CFAP299: variants seen among roughly 807,000 people sequenced by gnomAD.
CFAP299 encodes cilia and flagella associated protein 299.
CFAP299 carries 21 observed loss-of-function variants against 27.0 expected under a neutral mutation model. That is an observed-to-expected ratio of 0.78 (90% CI 0.55 to 1.12). The LOEUF (loss-of-function observed/expected upper bound fraction) is 1.12, where lower values mean the gene tolerates loss of function less well. Among genes scored for constraint, CFAP299 ranks in the 50% most tolerant of loss-of-function variants. The pLI, the probability that CFAP299 is intolerant of heterozygous loss-of-function variation, is 0.00. For missense variants in CFAP299, 310 were observed against 276.6 expected (o/e 1.12, Z -0.86); for synonymous variants, 104 against 98.1 (o/e 1.06, Z -0.36).
chr4:80,887,096 A>G (rs1396992955), intron 4 of CFAP299, among the ~76,000 whole-genome samples: 2 of 152,202 alleles, frequency 1.3e-5, no homozygotes, highest in African/African-American at 4.8e-5. Flanking sequence ...AATAGCCCCA[A>G]AAGGGTAAAT....
At chr4:80,521,178 G>T (rs1163863946) in intron 2 of CFAP299, among the ~76,000 whole-genome samples, 2 of 151,990 alleles carry the variant, frequency 1.3e-5, no homozygotes, top group African/African-American at 4.8e-5. Context: ...TTTTTCCTGA[G>T]GAATTAAACC....
Position 80,950,477 on chromosome 4 carries a change from T to C in CFAP299, c.606+5538T>C, listed in dbSNP as rs150803556. Among the ~76,000 whole-genome samples, 44 of 152,266 alleles carry C rather than the reference T, an allele frequency of 2.9e-4. No homozygotes were observed. In the East Asian group the frequency reaches 8.1e-3, roughly 28 times the overall value. On this transcript the variant is annotated intron_variant, in intron 5 of 5. Transcript: ENST00000358105. ...GGCAGAATGTACTTTGGACCAAAGATATTCAAAAACAAGTTAATGAAAGAG... is the reference window on the plus strand; with the variant it reads ...GGCAGAATGTACTTTGGACCAAAGACATTCAAAAACAAGTTAATGAAAGAG...
At chr4:80,695,046 C>T (rs917492955) in intron 3 of CFAP299, among the ~76,000 whole-genome samples, 1 of 151,998 alleles carries the variant, frequency 6.6e-6, no homozygotes, top group Non-Finnish European at 1.5e-5. Flanking sequence ...TGGTATGCCT[C>T]ATAGTAGCAT....
chr4:80,661,796 C>T (rs1291994090), intron 3 of CFAP299, among the ~76,000 whole-genome samples: 1 of 152,154 alleles, frequency 6.6e-6, no homozygotes, highest in African/African-American at 2.4e-5. Flanking sequence ...CTTTCAAAAG[C>T]AAATAGGAGA....
chr4:80,640,257 G>A (rs567277659), intron 3 of CFAP299, among the ~76,000 whole-genome samples: 26 of 152,184 alleles, frequency 1.7e-4, no homozygotes, highest in Admixed American at 1.2e-3. Flanking sequence ...ATGGTAAGTC[G>A]TTAGGCCTGG....
chr4:80,492,219 C>T (rs1049064660), intron 2 of CFAP299, among the ~76,000 whole-genome samples: 2 of 152,174 alleles, frequency 1.3e-5, no homozygotes, highest in African/African-American at 2.4e-5. Flanking sequence ...GCCTCTCTAA[C>T]GTCTATAAAA....
At chr4:80,653,022 A>C (rs1740386547) in intron 3 of CFAP299, among the ~76,000 whole-genome samples, 1 of 152,116 alleles carries the variant, frequency 6.6e-6, no homozygotes, top group African/African-American at 2.4e-5. Context: ...TGTATTTCTC[A>C]TGTGAATTTA....
At chr4:80,898,509 G>A (rs1238843681) in intron 4 of CFAP299, among the ~76,000 whole-genome samples, 2 of 151,974 alleles carry the variant, frequency 1.3e-5, no homozygotes, top group African/African-American at 2.4e-5. Context: ...TTTGGAAAAG[G>A]CAACATTTAA....
intron 2 of CFAP299, among the ~76,000 whole-genome samples, chr4:80,529,935 T>C (rs980420781): frequency 6.6e-5 from 10 of 152,198 alleles, no homozygotes; most frequent in Admixed American, 6.5e-5. Flanking sequence ...TGGTACACAA[T>C]TTTGAAATAT....
intron 3 of CFAP299, among the ~76,000 whole-genome samples, chr4:80,816,166 G>A (rs1406347825): frequency 6.6e-6 from 1 of 151,878 alleles, no homozygotes; most frequent in East Asian, 1.9e-4. Flanking sequence ...ACCCTCTTTG[G>A]AATAAAAATT....
intron 4 of CFAP299, among the ~76,000 whole-genome samples, chr4:80,930,763 C>T (rs1736574341): frequency 6.6e-6 from 1 of 152,152 alleles, no homozygotes; most frequent in Admixed American, 6.6e-5. Context: ...CCAGCATTCT[C>T]CATTCAGTTT....
intron 2 of CFAP299, among the ~76,000 whole-genome samples, chr4:80,390,203 C>T (rs906572198): frequency 5.3e-5 from 8 of 151,666 alleles, no homozygotes; most frequent in African/African-American, 1.2e-4. Flanking sequence ...GTTGCTATTC[C>T]GTACATTGTA....
At chr4:80,830,294 G>C (rs868126531) in intron 3 of CFAP299, among the ~76,000 whole-genome samples, 8 of 152,086 alleles carry the variant, frequency 5.3e-5, no homozygotes, top group Middle Eastern at 3.4e-3. Context: ...AATAAAATAT[G>C]ATATGTATTA....
At chr4:80,947,986 T>C (rs1407927030) in intron 5 of CFAP299, among the ~76,000 whole-genome samples, 1 of 152,194 alleles carries the variant, frequency 6.6e-6, no homozygotes, top group Non-Finnish European at 1.5e-5. Flanking sequence ...CAATTTTTAT[T>C]GAAATCCTTC....
intron 3 of CFAP299, among the ~76,000 whole-genome samples, chr4:80,672,499 C>T (rs905722714): frequency 1.3e-5 from 2 of 152,154 alleles, no homozygotes; most frequent in Non-Finnish European, 2.9e-5. Flanking sequence ...GCTTTCATAT[C>T]AGGATGATAC....
At chr4:80,378,620 T>A (rs1724542908) in intron 2 of CFAP299, among the ~76,000 whole-genome samples, 1 of 152,116 alleles carries the variant, frequency 6.6e-6, no homozygotes, top group Non-Finnish European at 1.5e-5. Flanking sequence ...TTGACATGAA[T>A]GGATATTAAA....
At chr4:80,343,647 G>A (rs1415780188) in intron 1 of CFAP299, among the ~76,000 whole-genome samples, 1 of 151,718 alleles carries the variant, frequency 6.6e-6, no homozygotes, top group East Asian at 1.9e-4. Flanking sequence ...AAATTAGCCA[G>A]GCGCGGTGGC....
intron 3 of CFAP299, among the ~76,000 whole-genome samples, chr4:80,819,191 G>C (rs1729571891): frequency 6.6e-6 from 1 of 152,018 alleles, no homozygotes; most frequent in East Asian, 1.9e-4. Flanking sequence ...TTCAAGCAGA[G>C]ACAATATACT....
intron 2 of CFAP299, among the ~76,000 whole-genome samples, chr4:80,542,406 A>G (rs1236744298): frequency 1.3e-5 from 2 of 152,176 alleles, no homozygotes; most frequent in African/African-American, 4.8e-5. Flanking sequence ...TCATACTCTT[A>G]ACAGACCATC....
Sources: gnomAD v4.1 joint callset for allele counts (sites outside exome capture counted in the v4.1 genomes callset) on GRCh38, gnomAD v4.1.1 for gene constraint, MANE v1.5 for transcripts, NCBI Gene and HGNC (gene_info 2026-07-23, HGNC 2026-07-21) for gene names.